Variants in DISP1 observed in about 807,000 individuals in gnomAD.
DISP1 encodes the protein dispatched RND transporter family member 1.
In DISP1, 30 loss-of-function variants were observed where a neutral mutation model predicts 37.3. The ratio of observed to expected loss-of-function variants is 0.80; its 90% CI spans 0.60 to 1.09. The LOEUF is 1.09. Ranked by LOEUF, DISP1 falls within the 50% of genes least tolerant of loss-of-function variation. The pLI is 0.00. For missense variants in DISP1, 1,598 were observed against 1,879.5 expected (o/e 0.85, Z 2.77); for synonymous variants, 634 against 690.2 (o/e 0.92, Z 1.28).
At chr1:222,869,946 C>G (rs570315051) in intron 1 of DISP1, among the ~76,000 whole-genome samples, 1,698 of 152,132 alleles carry the variant, frequency 0.011, 28 homozygotes, top group African/African-American at 0.039. Flanking sequence ...CCTCTCCCCC[C>G]ACCCCACAAC....
chr1:222,841,893 C>T (rs190167363), intron 1 of DISP1, among the ~76,000 whole-genome samples: 1 of 152,090 alleles, frequency 6.6e-6, no homozygotes, highest in African/African-American at 2.4e-5. Context: ...CTGGCTGAAG[C>T]ATCTCTGAAA....
intron 3 of DISP1, among the ~76,000 whole-genome samples, chr1:222,978,464 G>C (rs1251730644): frequency 6.6e-6 from 1 of 152,256 alleles, no homozygotes; most frequent in East Asian, 1.9e-4. Flanking sequence ...TCTCCATTCT[G>C]TAGGTTGCCT....
intron 1 of DISP1, among the ~76,000 whole-genome samples, chr1:222,844,836 G>C (rs942845469): frequency 2.6e-5 from 4 of 152,128 alleles, no homozygotes; most frequent in Non-Finnish European, 4.4e-5. Context: ...GGGAAGCAAA[G>C]TGAGATTTAG....
chr1:222,927,585 A>C (rs1048933880), intron 1 of DISP1, among the ~76,000 whole-genome samples: 10 of 151,978 alleles, frequency 6.6e-5, no homozygotes, highest in Admixed American at 6.6e-4. Context: ...TATGCTTTTG[A>C]AATTGTTGAA....
At chr1:222,849,711 G>T (rs1017346530) in intron 1 of DISP1, among the ~76,000 whole-genome samples, 10 of 152,074 alleles carry the variant, frequency 6.6e-5, no homozygotes, top group Non-Finnish European at 1.2e-4. Context: ...TGTACATGAA[G>T]TATTTTGACA....
chr1:222,976,567 A>C (rs1481866063), intron 3 of DISP1, among the ~76,000 whole-genome samples: 1 of 151,810 alleles, frequency 6.6e-6, no homozygotes, highest in African/African-American at 2.4e-5. Context: ...TTCTTTTCCA[A>C]CTGATGTTGA....
chr1:222,908,313 C>T (rs1371146987), intron 1 of DISP1, among the ~76,000 whole-genome samples: 1 of 152,116 alleles, frequency 6.6e-6, no homozygotes, highest in Non-Finnish European at 1.5e-5. Flanking sequence ...GATCATGCCA[C>T]TGCACTCTAG....
rs768106838 is a variant in DISP1, at chr1:222,994,881, C to G, written c.890-4C>G. On this transcript the variant is annotated splice_polypyrimidine_tract_variant and splice_region_variant and intron_variant, in intron 7 of 8. Coordinates refer to ENST00000675850, the MANE Select transcript of DISP1 (RefSeq NM_001377229.1). ...TTCTTTCCTTTTTTTTTTCATATCACCAGGTGACCGATATTCCAGAGTGGT... is the reference window on the plus strand; with the variant it reads ...TTCTTTCCTTTTTTTTTTCATATCAGCAGGTGACCGATATTCCAGAGTGGT... The G allele has an allele frequency of 1.9e-6, 3 of 1,594,976 alleles. No individual in the cohort carries two copies. Among genetic ancestry groups the G allele is most frequent in the Non-Finnish European group, 1.7e-6 (2 of 1,163,928 alleles).
At chr1:223,001,582 A>G (rs1460135094) in intron 8 of DISP1, among the ~76,000 whole-genome samples, 42 of 152,206 alleles carry the variant, frequency 2.8e-4, no homozygotes, top group Admixed American at 2.7e-3. Flanking sequence ...TAATTTATAA[A>G]CAACAAAAAT....
chr1:222,823,683 A>G (rs1558277661), intron 1 of DISP1, among the ~76,000 whole-genome samples: 1 of 152,236 alleles, frequency 6.6e-6, no homozygotes, highest in African/African-American at 2.4e-5. Context: ...ATAAAAATAA[A>G]TAAGTAAAAA....
rs1674506340 is a variant in DISP1 at position 222,943,128 on chromosome 1, C to T, written c.305C>T (p.Pro102Leu). ...CATAGCAGTCACCAAGAGTGCCATC[C>T]CGAGGCTGGCCCTGCAGCACCCTCT... ...TSHSSHQECHPEAGPAAPSAL... is the reference protein window; with the variant it reads ...TSHSSHQECHLEAGPAAPSAL... Residue 102 changes from proline to leucine, a missense_variant, in exon 3 of 9, where the codon CCC becomes CTC. By Grantham distance (98) the Pro-to-Leu change is moderately conservative (BLOSUM62 -3). Coordinates refer to ENST00000675850, the MANE Select transcript of DISP1 (RefSeq NM_001377229.1). 2 of 1,613,690 alleles carry T rather than the reference C, an allele frequency of 1.2e-6. No homozygotes were observed. Among genetic ancestry groups the T allele is most frequent in the East Asian group, 4.5e-5 (2 of 44,870 alleles).
chr1:222,963,321 G>T (rs189659764), intron 3 of DISP1, among the ~76,000 whole-genome samples: 4 of 152,330 alleles, frequency 2.6e-5, no homozygotes, highest in Non-Finnish European at 2.9e-5. Flanking sequence ...TACACTGTTG[G>T]TGGGAATGTA....
intron 1 of DISP1, among the ~76,000 whole-genome samples, chr1:222,877,961 AG>A (rs1298180981): frequency 6.6e-6 from 1 of 152,220 alleles, no homozygotes; most frequent in East Asian, 1.9e-4. Context: ...GCAGAGTTCC[AG>A]TGGGAGAGTG....
chr1:222,923,068 G>A (rs1334609822), intron 1 of DISP1, among the ~76,000 whole-genome samples: 1 of 152,130 alleles, frequency 6.6e-6, no homozygotes, highest in African/African-American at 2.4e-5. Context: ...TCTGGCAAAG[G>A]AAAGGAAAAG....
chr1:222,839,426 C>CTATA (rs1667455969), intron 1 of DISP1, among the ~76,000 whole-genome samples: 1 of 152,178 alleles, frequency 6.6e-6, no homozygotes, highest in Non-Finnish European at 1.5e-5. Context: ...CACCACTTAT[C>CTATA]TATAGCCTTT....
chr1:222,998,115 T>C (rs141416824), intron 8 of DISP1, among the ~76,000 whole-genome samples: 4 of 152,072 alleles, frequency 2.6e-5, no homozygotes, highest in Admixed American at 1.3e-4. Context: ...GGTTAACAGT[T>C]CGACTTTCAG....
chr1:222,984,737 A>AC (rs1678147631), intron 4 of DISP1, among the ~76,000 whole-genome samples: 2 of 151,822 alleles, frequency 1.3e-5, no homozygotes. Flanking sequence ...CATTTCCAAA[A>AC]CTTTTTTTCT....
chr1:222,864,847 T>C (rs1304297682), intron 1 of DISP1, among the ~76,000 whole-genome samples: 2 of 152,178 alleles, frequency 1.3e-5, no homozygotes, highest in Admixed American at 6.5e-5. Context: ...AGGTAACTTA[T>C]GAGCAAATGA....
At chr1:222,839,218 G>A (rs1364436377) in intron 1 of DISP1, among the ~76,000 whole-genome samples, 3 of 152,158 alleles carry the variant, frequency 2.0e-5, no homozygotes. Flanking sequence ...ATCAGCAGCA[G>A]CATTAGATTC....
Sources: gnomAD v4.1 joint callset for allele counts (sites outside exome capture counted in the v4.1 genomes callset) on GRCh38, gnomAD v4.1.1 for gene constraint, MANE v1.5 for transcripts, NCBI Gene and HGNC (gene_info 2026-07-23, HGNC 2026-07-21) for gene names.